RGS11: variants seen among roughly 807,000 people sequenced by gnomAD.
RGS11 encodes regulator of G protein signaling 11.
RGS11 carries 86 observed loss-of-function variants against 71.1 expected under a neutral mutation model. The ratio of observed to expected loss-of-function variants is 1.21; its 90% CI spans 1.02 to 1.45. The LOEUF (loss-of-function observed/expected upper bound fraction) is 1.45. Ranked by LOEUF, RGS11 falls within the 40% of genes most tolerant of loss-of-function variation. The pLI is 0.00. For synonymous variants in RGS11, 298 were observed against 254.2 expected, an observed-to-expected ratio of 1.17 and a Z score of -1.64; for missense variants, 734 against 635.1, an observed-to-expected ratio of 1.16 and a Z score of -1.67.
chr16:275,780 C>T, intron 1 of RGS11, 69 bp downstream of exon 1: 1 of 482,902 alleles, frequency 2.1e-6, no homozygotes, highest in Non-Finnish European at 3.0e-6. Context: ...TGTCCCCATG[C>T]TCTCCGGCCC....
chr16:271,715 G>A, intron 9 of RGS11, 146 bp from the exon 10 acceptor site: 1 of 726,408 alleles, frequency 1.4e-6, no homozygotes, highest in Non-Finnish European at 2.3e-6. Flanking sequence ...CCGCCCCTTG[G>A]AGCCCCTTCT....
chr16:270,473 G>A (rs1158615891), intron 15 of RGS11, 50 bp downstream of exon 15: 1 of 1,540,038 alleles, frequency 6.5e-7, no homozygotes, highest in South Asian at 1.2e-5. Context: ...GGACATGGAG[G>A]CCCGTCTGGG....
chr16:275,306 T>G lies in RGS11; in HGVS notation c.188A>C (p.Gln63Pro), dbSNP rs2052119957. Residue 63 changes from glutamine to proline, a missense_variant, in exon 3 of 17, where the codon CAG (glutamine) becomes CCG (proline). Physicochemically the swap from Gln to Pro is moderately conservative, Grantham distance 76 (BLOSUM62 -1). Transcript: ENST00000397770. ...ACCCTCCTCCGAGACGCAGAACTTC[T>G]GGGCCAACCACTGCACGACGTCGCT... is the stretch of plus-strand genomic sequence containing the variant. ...TGSDVVQWLAQKFCVSEEEAL... is the reference protein window; with the variant it reads ...TGSDVVQWLAPKFCVSEEEAL... 6.2e-7 allele frequency: 1 copy of G among 1,612,428 alleles called. No homozygotes were observed. The highest frequency in any genetic ancestry group is 1.7e-5 in the Admixed American group (1 of 60,016).
rs757266553 is a variant in RGS11 at position 269,421 on chromosome 16, C to G, written c.1290-38G>C. 1.9e-6 allele frequency: 3 copies of G among 1,590,252 alleles called. No individual in the cohort carries two copies. The South Asian group carries it at 3.4e-5, about 18-fold the overall frequency. On this transcript the variant is annotated intron_variant, in intron 16 of 16. Coordinates refer to ENST00000397770, the MANE Select transcript of RGS11 (RefSeq NM_183337.3). ...AGGCGGCTGAGAACAGGCTGGCCAG[C>G]TGGTGTCCTGCCCACCTCACTGCAG...
chr16:270,888 G>A (rs2051901458), intron 13 of RGS11, 57 bp from the exon 14 acceptor site: 1 of 1,585,142 alleles, frequency 6.3e-7, no homozygotes, highest in Non-Finnish European at 8.6e-7. Context: ...CAGGGCCGGT[G>A]GGGGGTTCCC....
chr16:270,466 C>T (rs1425460769), intron 15 of RGS11, 57 bp downstream of exon 15: 16 of 1,527,196 alleles, frequency 1.0e-5, no homozygotes, highest in Non-Finnish European at 1.3e-5. Flanking sequence ...AGGGTGGGGA[C>T]ATGGAGGCCC....
At position 274,115 on chromosome 16, in the gene RGS11, G is replaced by T; in HGVS notation, c.371-14C>A. On this transcript the variant is annotated splice_polypyrimidine_tract_variant and intron_variant, in intron 5 of 16. Transcript: ENST00000397770. The stretch of plus-strand genomic sequence containing the variant: ...CCAGGTAGATGGCTGGAAGAACAGG[G>T]ACAGCCTGCAGAGGGGCCAGCTCTG... 6.4e-7 allele frequency: 1 copy of T among 1,555,940 alleles called. No homozygotes were observed. Among genetic ancestry groups the T allele is most frequent in the Non-Finnish European group, 8.7e-7 (1 of 1,149,888 alleles).
In RGS11 at chr16:268,631, C is replaced by T. The variant is rs917776035; in HGVS notation, c.*638G>A. On this transcript the variant is annotated 3_prime_UTR_variant, in exon 17 of 17. Coordinates refer to ENST00000397770, the MANE Select transcript of RGS11 (RefSeq NM_183337.3). ...GTTGTCTATAAATCGGGGGGGAGGC[C>T]GCGGCCTCGAGGTGGGAAAGCAGGT... 13 of 742,414 alleles carry T rather than the reference C, an allele frequency of 1.8e-5. No homozygotes were observed. The highest frequency in any genetic ancestry group is 5.3e-5 in the African/African-American group (3 of 57,128). 46.0% of individuals were successfully genotyped at this position (742,414 alleles called of 1,614,324 possible). A position where few individuals can be genotyped will look rare whatever the true frequency, so the allele number is the denominator to read the frequency against.
chr16:272,790 C>T lies in RGS11; in HGVS notation c.657+73G>A, dbSNP rs1347586143. ...ACCAAATGACGGACAGATGGGCAGT[C>T]CCATGGTGCGTCCAGCAGGGTGCAG... On this transcript the variant is annotated intron_variant, in intron 9 of 16. Transcript: ENST00000397770. 3 of 1,534,154 alleles carry T rather than the reference C, an allele frequency of 2.0e-6. No homozygotes were observed. The African/African-American group carries it at 4.1e-5, about 21-fold the overall frequency.
chr16:272,679 C>T (rs999355931), intron 9 of RGS11, 184 bp downstream of exon 9: 140 of 1,463,920 alleles, frequency 9.6e-5, no homozygotes, highest in African/African-American at 7.4e-4. Flanking sequence ...GGAGAGAAAG[C>T]GAGAGTTAGC....
chr16:269,443 G>A, intron 16 of RGS11, 60 bp from the exon 17 acceptor site: 9 of 1,593,214 alleles, frequency 5.6e-6, no homozygotes, highest in Non-Finnish European at 6.9e-6. Flanking sequence ...CCACCTCACT[G>A]CAGGGCCCCA....
chr16:269,018 G>A lies in RGS11; in HGVS notation c.*251C>T, dbSNP rs1465127482. On this transcript the variant is annotated 3_prime_UTR_variant, in exon 17 of 17. Coordinates refer to ENST00000397770, the MANE Select transcript of RGS11 (RefSeq NM_183337.3). The stretch of plus-strand genomic sequence containing the variant: ...CACCTCTCTTCAGGTAACAGGCTCT[G>A]CCCTGACCCAAGCTGAGCCAATGAA... The A allele has an allele frequency of 5.1e-6, 7 of 1,374,198 alleles. No homozygotes were observed. In the South Asian group the frequency reaches 6.2e-5, roughly 12 times the overall value. 85.1% of individuals were successfully genotyped at this position (1,374,198 alleles called of 1,614,324 possible). A position where few individuals can be genotyped will look rare whatever the true frequency, so the allele number is the denominator to read the frequency against.
In RGS11 at chr16:275,475, C is replaced by T; in HGVS notation, c.87G>A (p.Met29Ile). 6.3e-7 allele frequency: 1 copy of T among 1,585,664 alleles called. No individual in the cohort carries two copies. The highest frequency in any genetic ancestry group is 2.3e-5 in the East Asian group (1 of 44,130). The part of the protein sequence containing the change: ...LRKMERVVVS[M>I]QDPDQGVKMR... The stretch of plus-strand genomic sequence containing the variant: ...TCTTCACGCCCTGGTCGGGGTCCTG[C>T]ATGCTCACGACCACCCGCTCCATCT... The change falls in exon 2 of 17, where the codon ATG becomes ATA. Residue 29 changes from methionine to isoleucine, a missense_variant. By Grantham distance (10) the Met-to-Ile change is conservative. Transcript: ENST00000397770.
chr16:272,643 C>G, intron 9 of RGS11: 2 of 1,461,768 alleles, frequency 1.4e-6, no homozygotes, highest in Non-Finnish European at 1.8e-6. Flanking sequence ...CTCCACTTAC[C>G]TGCACCCAGG....
chr16:271,977 C>T, intron 9 of RGS11: 1 of 295,482 alleles, frequency 3.4e-6, no homozygotes, highest in Non-Finnish European at 6.2e-6. Flanking sequence ...GCTGGGACTA[C>T]AGGCATGCGC....
At position 268,795 on chromosome 16, in the gene RGS11, G is replaced by A. The variant is rs761134807; in HGVS notation, c.*474C>T. 9.9e-5 allele frequency: 154 copies of A among 1,550,326 alleles called. No homozygotes were observed. The highest frequency in any genetic ancestry group is 6.5e-4 in the Admixed American group (33 of 51,008). ...TTCCAGGCTCACACTGGGCGACAGC[G>A]GAGAGGCTCTTGGACGGGGCAGAGC... On this transcript the variant is annotated 3_prime_UTR_variant, in exon 17 of 17. Transcript: ENST00000397770.
chr16:270,447 G>T, intron 15 of RGS11, 76 bp downstream of exon 15: 1 of 1,481,996 alleles, frequency 6.7e-7, no homozygotes, highest in African/African-American at 1.4e-5. Context: ...TGTGCGGACA[G>T]AGCCCTTGAG....
chr16:270,561 C>T lies in RGS11; in HGVS notation c.1168G>A (p.Asp390Asn). The T allele has an allele frequency of 1.2e-6, 2 of 1,608,888 alleles. No homozygotes were observed. Among genetic ancestry groups the T allele is most frequent in the Non-Finnish European group, 1.7e-6 (2 of 1,178,124 alleles). The part of the protein sequence containing the change: ...GLRQPHRYVL[D>N]DAQLHIYMLM... ...ATGTATATGTGCAGCTGGGCGTCAT[C>T]CAGGACATAGCGGTGGGGCTGGCGC... The change falls in exon 15 of 17, where the codon GAT becomes AAT. Residue 390 changes from aspartate (D) to asparagine (N), a missense_variant. Coordinates refer to ENST00000397770, the MANE Select transcript of RGS11 (RefSeq NM_183337.3).
rs1291406781 is a variant in RGS11 at position 268,947 on chromosome 16, C to G, written c.*322G>C. On this transcript the variant is annotated 3_prime_UTR_variant, in exon 17 of 17. Transcript: ENST00000397770. ...TAGAGATGGGGATGGGCACCCAGTG[C>G]TGGACTGAAGACCAGAGAAGGTGGA... The G allele has an allele frequency of 7.1e-6, 11 of 1,550,068 alleles. No homozygotes were observed. In the South Asian group the frequency reaches 1.3e-4, roughly 18 times the overall value.
Sources: allele counts gnomAD v4.1 joint callset, GRCh38; gene constraint gnomAD v4.1.1; transcripts MANE v1.5; gene names NCBI Gene and HGNC (gene_info 2026-07-23, HGNC 2026-07-21).